The following DNAJC3 variants were observed in gnomAD, a reference collection of about 807,000 sequenced individuals.
DNAJC3 encodes DnaJ heat shock protein family (Hsp40) member C3.
A neutral mutation model predicts 68.6 loss-of-function variants in DNAJC3; 38 were observed. That is an observed-to-expected ratio of 0.55 (90% CI 0.43 to 0.73). The LOEUF (loss-of-function observed/expected upper bound fraction) is 0.73, where lower values mean the gene tolerates loss of function less well. DNAJC3 is among the 30% of genes least tolerant of loss of function. DNAJC3 has a pLI of 0.00. For missense variants in DNAJC3, 526 were observed against 591.9 expected (o/e 0.89, Z 1.16); for synonymous variants, 203 against 204.0 (o/e 1.00, Z 0.04).
chr13:95,765,993 T>G (rs924961875), intron 9 of DNAJC3, among the ~76,000 whole-genome samples: 4 of 152,216 alleles, frequency 2.6e-5, no homozygotes, highest in African/African-American at 9.6e-5. Flanking sequence ...AGAGCCTGTA[T>G]AACTGAAACT....
chr13:95,778,065 G>C (rs1883336882), intron 9 of DNAJC3, among the ~76,000 whole-genome samples: 1 of 152,080 alleles, frequency 6.6e-6, no homozygotes, highest in African/African-American at 2.4e-5. Context: ...CTCAAGGGTT[G>C]GAAGACATAA....
chr13:95,742,861 C>T (rs115504464), intron 4 of DNAJC3: 40 of 517,412 alleles, frequency 7.7e-5, no homozygotes, highest in African/African-American at 5.4e-4. Flanking sequence ...TTCACTACGC[C>T]GTAGGATCTA....
At chr13:95,711,642 G>A (rs1057365875) in intron 2 of DNAJC3, among the ~76,000 whole-genome samples, 2 of 152,022 alleles carry the variant, frequency 1.3e-5, no homozygotes, top group Non-Finnish European at 2.9e-5. Context: ...GCAAATAAAG[G>A]ATTCACTCTA....
intron 5 of DNAJC3, 78 bp from the exon 6 acceptor site, chr13:95,759,962 G>A: frequency 7.3e-7 from 1 of 1,370,130 alleles, no homozygotes; most frequent in Non-Finnish European, 9.7e-7. Context: ...TAAATACGTA[G>A]ATAAAAAATA....
intron 5 of DNAJC3, 23 bp from the exon 6 acceptor site, chr13:95,760,017 G>C (rs771948504): frequency 6.4e-7 from 1 of 1,551,770 alleles, no homozygotes; most frequent in Non-Finnish European, 8.7e-7. Flanking sequence ...CTTTCTTAAA[G>C]TCTAGTTCTT....
At chr13:95,764,375 C>CTCTCTA (rs1363565634) in intron 9 of DNAJC3, among the ~76,000 whole-genome samples, 486 of 124,014 alleles carry the variant, frequency 3.9e-3, no homozygotes, top group Middle Eastern at 0.013. Flanking sequence ...CTCTCTCTCT[C>CTCTCTA]TATATATATA....
At chr13:95,757,199 C>T (rs1480624962) in intron 4 of DNAJC3, among the ~76,000 whole-genome samples, 1 of 151,854 alleles carries the variant, frequency 6.6e-6, no homozygotes, top group African/African-American at 2.4e-5. Context: ...AAAGCTGGCC[C>T]CTTCTTTCAG....
intron 10 of DNAJC3, 112 bp downstream of exon 10, chr13:95,786,183 C>CATAT (rs1883597592): frequency 8.4e-7 from 1 of 1,185,756 alleles, no homozygotes; most frequent in Non-Finnish European, 1.2e-6. Flanking sequence ...TAATTTCAGT[C>CATAT]ATATGGATTA....
At chr13:95,769,297 C>G (rs1275023055) in intron 9 of DNAJC3, among the ~76,000 whole-genome samples, 1 of 152,164 alleles carries the variant, frequency 6.6e-6, no homozygotes, top group Non-Finnish European at 1.5e-5. Flanking sequence ...ACCATTCCCT[C>G]TAGCAGATCA....
chr13:95,714,412 TA>T (rs58381820), intron 2 of DNAJC3, among the ~76,000 whole-genome samples: 32,463 of 135,134 alleles, frequency 0.24, 5,482 homozygotes, highest in African/African-American at 0.49. Flanking sequence ...CTTTTTTTCT[TA>T]AAAAAAAAAA....
At chr13:95,755,944 G>C (rs1199952430) in intron 4 of DNAJC3, among the ~76,000 whole-genome samples, 1 of 151,898 alleles carries the variant, frequency 6.6e-6, no homozygotes, top group Non-Finnish European at 1.5e-5. Context: ...GCCTCACAGA[G>C]GCCTAGATGA....
At chr13:95,748,912 A>G (rs1882390462) in intron 4 of DNAJC3, among the ~76,000 whole-genome samples, 1 of 152,264 alleles carries the variant, frequency 6.6e-6, no homozygotes, top group Non-Finnish European at 1.5e-5. Context: ...CTTTTAAGTC[A>G]TAAAGTCATT....
chr13:95,677,386 C>A lies in DNAJC3; in HGVS notation c.82+49C>A, dbSNP rs17882245. ...AGGAAGTGGGCTCCCGGACCAGGCC[C>A]CCCGCGCTTTCCCGTCTGCGCCCGG... is the stretch of plus-strand genomic sequence containing the variant. On this transcript the variant is annotated intron_variant, in intron 1 of 11. Coordinates refer to ENST00000602402, the MANE Select transcript of DNAJC3 (RefSeq NM_006260.5). The A allele has an allele frequency of 2.7e-5, 42 of 1,528,282 alleles. No individual in the cohort carries two copies. In the African/African-American group the frequency reaches 4.6e-4, roughly 17 times the overall value. The allele number at this position is 1,528,282 out of a possible 1,614,324, so 94.7% of individuals were successfully genotyped here.
chr13:95,715,184 C>T (rs181268575), intron 2 of DNAJC3, among the ~76,000 whole-genome samples: 174 of 152,272 alleles, frequency 1.1e-3, no homozygotes, highest in Admixed American at 3.9e-3. Flanking sequence ...TTGTTTGAGG[C>T]CAGGAGTTTG....
intron 4 of DNAJC3, among the ~76,000 whole-genome samples, chr13:95,731,416 TATG>T (rs2139648704): frequency 6.6e-6 from 1 of 152,344 alleles, no homozygotes; most frequent in East Asian, 1.9e-4. Context: ...TCCCATTCAC[TATG>T]ATGTTAACTG....
At chr13:95,735,180 A>G (rs1881865711) in intron 4 of DNAJC3, among the ~76,000 whole-genome samples, 1 of 142,492 alleles carries the variant, frequency 7.0e-6, no homozygotes, top group South Asian at 2.3e-4. Context: ...ATAGTATTCC[A>G]TGGTGTATAT....
chr13:95,789,212 ATG>A (rs1883691179), intron 11 of DNAJC3, among the ~76,000 whole-genome samples: 1 of 151,836 alleles, frequency 6.6e-6, no homozygotes, highest in South Asian at 2.1e-4. Flanking sequence ...ACATAGGTAA[ATG>A]TGTGTTATGG....
chr13:95,781,962 A>T (rs540023867), intron 9 of DNAJC3, among the ~76,000 whole-genome samples: 1 of 151,192 alleles, frequency 6.6e-6, no homozygotes, highest in African/African-American at 2.4e-5. Context: ...CCAGCCCCCT[A>T]CCTCCCCACG....
chr13:95,753,714 A>G (rs1315598827), intron 4 of DNAJC3, among the ~76,000 whole-genome samples: 2 of 152,206 alleles, frequency 1.3e-5, no homozygotes, highest in African/African-American at 2.4e-5. Context: ...ATCTAATGCA[A>G]TGGAAAATAA....
Sources: gnomAD v4.1 joint callset for allele counts (sites outside exome capture counted in the v4.1 genomes callset) on GRCh38, gnomAD v4.1.1 for gene constraint, MANE v1.5 for transcripts, NCBI Gene and HGNC (gene_info 2026-07-23, HGNC 2026-07-21) for gene names.